Variants in HYAL4 observed in about 807,000 individuals in gnomAD.
The protein encoded by HYAL4 is hyaluronidase 4.
A neutral mutation model predicts 35.2 loss-of-function variants in HYAL4; 37 were observed. The ratio of observed to expected loss-of-function variants is 1.05; its 90% CI spans 0.81 to 1.38. The LOEUF is 1.38. Ranked by LOEUF, HYAL4 falls within the 40% of genes most tolerant of loss-of-function variation. HYAL4 has a pLI of 0.00. For synonymous variants in HYAL4, 198 were observed against 203.2 expected, an observed-to-expected ratio of 0.97 and a Z score of 0.22; for missense variants, 572 against 572.4, an observed-to-expected ratio of 1.00 and a Z score of 0.01.
the HYAL4 span, among the ~76,000 whole-genome samples, chr7:123,810,620 C>T: frequency 6.6e-6 from 1 of 152,200 alleles, no homozygotes; most frequent in African/African-American, 2.4e-5. Context: ...TGACATGTCC[C>T]ACCAGAGTGG....
chr7:123,836,224 G>A (rs1189986187), intron 1 of HYAL4, among the ~76,000 whole-genome samples: 2 of 152,040 alleles, frequency 1.3e-5, no homozygotes, highest in African/African-American at 4.8e-5. Context: ...TAATTTCTTA[G>A]GTCTAGTAGT....
chr7:123,806,782 G>GTC, the HYAL4 span, among the ~76,000 whole-genome samples: 1 of 151,852 alleles, frequency 6.6e-6, no homozygotes, highest in African/African-American at 2.4e-5. Flanking sequence ...TACTCCTTCT[G>GTC]TCTCTCTCTC....
At chr7:123,790,528 G>C in the HYAL4 span, 1 of 149,864 alleles carries the variant, frequency 6.7e-6, no homozygotes, top group Non-Finnish European at 1.5e-5. Flanking sequence ...TTGAAACTTA[G>C]TGCAAAGTAC....
At chr7:123,787,527 A>G in the HYAL4 span, among the ~76,000 whole-genome samples, 1 of 152,152 alleles carries the variant, frequency 6.6e-6, no homozygotes, top group Non-Finnish European at 1.5e-5. Context: ...TTGAGTCACC[A>G]GCCATTTATA....
At chr7:123,855,791 G>C (rs550321449) in intron 2 of HYAL4, among the ~76,000 whole-genome samples, 121 of 152,144 alleles carry the variant, frequency 8.0e-4, no homozygotes, top group Non-Finnish European at 1.5e-4. Context: ...CCTGAAGTGT[G>C]TTTTCCAGCT....
At position 123,857,653 on chromosome 7, in the gene HYAL4, G is replaced by GTTTC. The variant is rs1395485136; in HGVS notation, c.-52+9503_-52+9506dup. On this transcript the variant is annotated intron_variant, in intron 2 of 4. Transcript: ENST00000223026. ...GCCATCTTGCCAGCTGCCTTTCTTT[G>GTTTC]TTTCTTTCTTTGTTTGTTTCTTTCT... Among the ~76,000 whole-genome samples, 81 of 147,060 alleles carry GTTTC rather than the reference G, an allele frequency of 5.5e-4. 1 individual carries two copies. Among genetic ancestry groups the GTTTC allele is most frequent in the Middle Eastern group, 3.5e-3 (1 of 284 alleles).
the HYAL4 span, among the ~76,000 whole-genome samples, chr7:123,772,270 T>C: frequency 1.3e-4 from 20 of 152,176 alleles, no homozygotes; most frequent in Admixed American, 9.2e-4. Context: ...CCTTGACTTA[T>C]ATACTTGGAT....
At chr7:123,802,376 C>T in the HYAL4 span, among the ~76,000 whole-genome samples, 1 of 152,090 alleles carries the variant, frequency 6.6e-6, no homozygotes, top group Admixed American at 6.5e-5. Context: ...TTTTCCATAT[C>T]AAGGATGACT....
At chr7:123,831,432 C>T (rs17146418) in intron 1 of HYAL4, among the ~76,000 whole-genome samples, 3,237 of 152,154 alleles carry the variant, frequency 0.021, 107 homozygotes, top group African/African-American at 0.073. Context: ...GTTTTAATTT[C>T]GGAGAACTCT....
the HYAL4 span, among the ~76,000 whole-genome samples, chr7:123,765,153 A>T: frequency 5.3e-5 from 8 of 152,176 alleles, no homozygotes; most frequent in Non-Finnish European, 1.2e-4. Flanking sequence ...ATATTTCTGG[A>T]AGTTTTTGCA....
At chr7:123,875,463 C>T (rs1362003829) in intron 4 of HYAL4, among the ~76,000 whole-genome samples, 2 of 151,808 alleles carry the variant, frequency 1.3e-5, no homozygotes, top group Non-Finnish European at 2.9e-5. Flanking sequence ...TCGAGACCAG[C>T]CTGACTGACA....
At chr7:123,785,943 GAAAAC>G in the HYAL4 span, among the ~76,000 whole-genome samples, 44,726 of 150,828 alleles carry the variant, frequency 0.3, 6,904 homozygotes, top group Middle Eastern at 0.4. The surrounding 1 kb of genome is among the most constrained non-coding windows in gnomAD (Gnocchi z 4.5). Context: ...GTAGAAACAA[GAAAAC>G]AAAACAAAAC....
chr7:123,852,846 A>G (rs1806343274), intron 2 of HYAL4, among the ~76,000 whole-genome samples: 1 of 152,016 alleles, frequency 6.6e-6, no homozygotes, highest in African/African-American at 2.4e-5. Context: ...CATTTTCATG[A>G]TATTGATTCT....
chr7:123,842,930 G>T (rs1050234741), upstream of HYAL4, among the ~76,000 whole-genome samples: 1 of 151,888 alleles, frequency 6.6e-6, no homozygotes, highest in Non-Finnish European at 1.5e-5. Flanking sequence ...ACAGCATACT[G>T]ATGGGTCTTG....
chr7:123,818,079 G>A, the HYAL4 span, among the ~76,000 whole-genome samples: 1 of 151,150 alleles, frequency 6.6e-6, no homozygotes, highest in Non-Finnish European at 1.5e-5. Flanking sequence ...GTTTCACCAT[G>A]TTGGCCAGGC....
At position 123,868,751 on chromosome 7, in the gene HYAL4, A is replaced by T. The variant is rs374612441; in HGVS notation, c.478A>T (p.Lys160Ter). 12 of 1,614,000 alleles carry T rather than the reference A, an allele frequency of 7.4e-6. No homozygotes were observed. Among genetic ancestry groups the T allele is most frequent in the South Asian group, 1.1e-5 (1 of 91,060 alleles). ...ACAGTGGGCCCGGAACTGGAACTCA[A>T]AAGATGTTTACAGACAGAAGTCAAG... ...RPQWARNWNS[K>*]DVYRQKSRKL... The change falls in exon 3 of 5, where the codon AAA becomes TAA. Residue 160 changes from lysine (K) to a stop codon, truncating the protein, a stop_gained. Transcript: ENST00000223026. LOFTEE classifies it high-confidence loss of function.
chr7:123,837,273 G>C (rs547032698), intron 1 of HYAL4, among the ~76,000 whole-genome samples: 33 of 152,248 alleles, frequency 2.2e-4, no homozygotes, highest in Admixed American at 9.8e-4. Flanking sequence ...TGGGAAATCT[G>C]CTGTTAATCT....
At chr7:123,790,255 A>C in the HYAL4 span, among the ~76,000 whole-genome samples, 2 of 152,194 alleles carry the variant, frequency 1.3e-5, no homozygotes, top group Non-Finnish European at 2.9e-5. Context: ...ACAGCTCATT[A>C]TGTTTTATAA....
chr7:123,868,584 A>G lies in HYAL4; in HGVS notation c.311A>G (p.Gln104Arg). The change falls in exon 3 of 5, where the codon CAA (glutamine) becomes CGA (arginine). Residue 104 changes from glutamine to arginine, a missense_variant. Transcript: ENST00000223026. ...RLGYYPWYTS[Q>R]GVPINGGLPQ... ...GGATACTATCCGTGGTATACATCAC[A>G]AGGGGTCCCCATTAATGGAGGTCTC... 6.2e-7 allele frequency: 1 copy of G among 1,614,230 alleles called. No homozygotes were observed. The highest frequency in any genetic ancestry group is 8.5e-7 in the Non-Finnish European group (1 of 1,180,038).
Sources: allele counts gnomAD v4.1 joint callset (sites outside exome capture counted in the v4.1 genomes callset), GRCh38; gene constraint gnomAD v4.1.1; non-coding constraint Gnocchi (gnomAD v3.1); transcripts MANE v1.5; gene names NCBI Gene and HGNC (gene_info 2026-07-23, HGNC 2026-07-21).